SBF2: variants seen among roughly 807,000 people sequenced by gnomAD.
SBF2 encodes myotubularin-related protein 13.
A neutral mutation model predicts 225.2 loss-of-function variants in SBF2; 112 were observed. The ratio of observed to expected loss-of-function variants is 0.50; its 90% CI spans 0.43 to 0.58. SBF2 has a LOEUF of 0.58. SBF2 is among the 20% of genes least tolerant of loss of function. The pLI is 0.00. For synonymous variants in SBF2, 763 were observed against 773.3 expected (o/e 0.99, Z 0.22); for missense variants, 1,996 against 2,206.2 (o/e 0.90, Z 1.91).
At chr11:10,155,667 A>T (rs1199361476) in intron 2 of SBF2, among the ~76,000 whole-genome samples, 11 of 152,152 alleles carry the variant, frequency 7.2e-5, no homozygotes, top group Admixed American at 7.2e-4. Flanking sequence ...ATTTCTGACA[A>T]TTTTCAACTC....
At chr11:10,138,418 G>GT (rs1415916408) in intron 2 of SBF2, among the ~76,000 whole-genome samples, 1 of 151,956 alleles carries the variant, frequency 6.6e-6, no homozygotes, top group Non-Finnish European at 1.5e-5. Context: ...AGAGCCAACT[G>GT]TGTGTTTCAT....
At position 10,262,231 on chromosome 11, in the gene SBF2, G is replaced by C. The variant is rs540265900; in HGVS notation, c.55+31784C>G. ...AAAGATAGATTAGTGGATGATATAGGAATCAACAGATGGAGTAATATATGA... is the reference window on the plus strand; with the variant it reads ...AAAGATAGATTAGTGGATGATATAGCAATCAACAGATGGAGTAATATATGA... On this transcript the variant is annotated intron_variant, in intron 1 of 39. Coordinates refer to ENST00000256190, the MANE Select transcript of SBF2 (RefSeq NM_030962.4). 1.4e-4 allele frequency among the ~76,000 whole-genome samples: 21 copies of C among 152,240 alleles called. No homozygotes were observed. The South Asian group carries it at 1.7e-3, about 12-fold the overall frequency.
At chr11:10,160,530 C>T (rs1360172303) in intron 2 of SBF2, among the ~76,000 whole-genome samples, 1 of 152,158 alleles carries the variant, frequency 6.6e-6, no homozygotes, top group Non-Finnish European at 1.5e-5. Flanking sequence ...TACGGCAGTA[C>T]ATACACCACA....
In SBF2 at chr11:10,029,869, G is replaced by C. The variant is rs200954150; in HGVS notation, c.409C>G (p.Leu137Val). The change falls in exon 5 of 40, where the codon CTG (leucine) becomes GTG (valine). Residue 137 changes from leucine (L) to valine (V), a missense_variant. Physicochemically the swap from Leu to Val is conservative, Grantham distance 32. Coordinates refer to ENST00000256190, the MANE Select transcript of SBF2 (RefSeq NM_030962.4). Reference protein sequence around the residue: ...LYYPEIFRACLGLIYTVYVDS... With the variant: ...LYYPEIFRACVGLIYTVYVDS... ...ACATACACGGTATAGATCAAACCCAGGCAAGCCTGCAAAAAGATAAATACA... is the reference window on the plus strand; with the variant it reads ...ACATACACGGTATAGATCAAACCCACGCAAGCCTGCAAAAAGATAAATACA... 3 of 1,607,148 alleles carry C rather than the reference G, an allele frequency of 1.9e-6. No homozygotes were observed. Among genetic ancestry groups the C allele is most frequent in the Non-Finnish European group, 2.6e-6 (3 of 1,173,834 alleles).
At chr11:9,832,535 TATC>T in intron 26 of SBF2, 115 bp from the exon 27 acceptor site, 1 of 725,202 alleles carries the variant, frequency 1.4e-6, no homozygotes, top group Non-Finnish European at 2.5e-6. Context: ...TGAATACTAA[TATC>T]ATAGTAATTT....
At chr11:10,178,179 T>C (rs1956556103) in intron 2 of SBF2, among the ~76,000 whole-genome samples, 3 of 147,254 alleles carry the variant, frequency 2.0e-5, no homozygotes, top group African/African-American at 7.5e-5. Context: ...TTACACCTTA[T>C]ACAAAAATCA....
chr11:10,216,102 C>G (rs1030559397), intron 1 of SBF2, among the ~76,000 whole-genome samples: 1 of 152,162 alleles, frequency 6.6e-6, no homozygotes, highest in African/African-American at 2.4e-5. Context: ...CCTTGTTCCC[C>G]TAGGCTAAGA....
chr11:10,000,979 G>C lies in SBF2; in HGVS notation c.796C>G (p.Leu266Val), dbSNP rs1565116051. 2 of 1,605,944 alleles carry C rather than the reference G, an allele frequency of 1.2e-6. No homozygotes were observed. Among genetic ancestry groups the C allele is most frequent in the Non-Finnish European group, 1.7e-6 (2 of 1,172,744 alleles). ...ATAATGAAAGGCGTTGGGGAACTTA[G>C]AACTTCCAGTAGCTGAGCCGGGAGA... ...PILPAQLLEV[L>V]SSPTPFIIGV... The change falls in exon 8 of 40, where the codon CTA becomes GTA. Residue 266 changes from leucine to valine, a missense_variant. Physicochemically the swap from Leu to Val is conservative, Grantham distance 32. Coordinates refer to ENST00000256190, the MANE Select transcript of SBF2 (RefSeq NM_030962.4).
At chr11:10,033,663 AACAC>A (rs66939707) in intron 3 of SBF2, among the ~76,000 whole-genome samples, 135 of 149,282 alleles carry the variant, frequency 9.0e-4, no homozygotes, top group Middle Eastern at 3.5e-3. Flanking sequence ...GCTGTGATTA[AACAC>A]ACACACACAC....
At chr11:10,252,076 C>G (rs1040958051) in intron 1 of SBF2, among the ~76,000 whole-genome samples, 2 of 152,236 alleles carry the variant, frequency 1.3e-5, no homozygotes, top group African/African-American at 4.8e-5. Context: ...CACCTAGATC[C>G]TAGAACAGAC....
chr11:10,088,863 G>A lies in SBF2; in HGVS notation c.142-45882C>T, dbSNP rs151031326. Among the ~76,000 whole-genome samples, 37 of 152,224 alleles carry A rather than the reference G, an allele frequency of 2.4e-4. No homozygotes were observed. The East Asian group carries it at 6.5e-3, about 27-fold the overall frequency. ...GAGAAACACCAAAAAGTAAACTTCC[G>A]CAGGGCAAGGATTTTATCTTTCTCA... On this transcript the variant is annotated intron_variant, in intron 2 of 39. Coordinates refer to ENST00000256190, the MANE Select transcript of SBF2 (RefSeq NM_030962.4).
intron 16 of SBF2, among the ~76,000 whole-genome samples, chr11:9,932,047 T>G (rs1043548112): frequency 1.1e-4 from 17 of 152,112 alleles, no homozygotes; most frequent in Non-Finnish European, 2.1e-4. Context: ...GAAGATCACA[T>G]TAATGAAATA....
At chr11:9,795,985 T>C in intron 32 of SBF2, 28 bp from the exon 33 acceptor site, 1 of 1,608,898 alleles carries the variant, frequency 6.2e-7, no homozygotes, top group Non-Finnish European at 8.5e-7. Context: ...AAGAAAAGAG[T>C]AAGAATCAAA....
chr11:9,969,915 C>A (rs1370079485), intron 13 of SBF2, among the ~76,000 whole-genome samples: 1 of 152,180 alleles, frequency 6.6e-6, no homozygotes, highest in Admixed American at 6.5e-5. Context: ...GAGGGGGACA[C>A]AATGCTGAAC....
chr11:10,232,246 T>C (rs1958886758), intron 1 of SBF2, among the ~76,000 whole-genome samples: 1 of 152,226 alleles, frequency 6.6e-6, no homozygotes, highest in African/African-American at 2.4e-5. Flanking sequence ...CCCGACCCCT[T>C]GTACTTCCCA....
At chr11:10,294,557 T>C (rs928302107), upstream of SBF2, among the ~76,000 whole-genome samples, 4 of 152,254 alleles carry the variant, frequency 2.6e-5, no homozygotes, top group African/African-American at 9.6e-5. Context: ...CTGCTTCCTC[T>C]GCTCCCCACC....
At chr11:9,873,153 C>A (rs1202003390) in intron 17 of SBF2, among the ~76,000 whole-genome samples, 1 of 139,982 alleles carries the variant, frequency 7.1e-6, no homozygotes, top group Non-Finnish European at 1.5e-5. Flanking sequence ...TTGCAGTGAG[C>A]CAAGACCGCA....
chr11:9,938,537 G>C (rs1185166523), intron 16 of SBF2, among the ~76,000 whole-genome samples: 1 of 151,074 alleles, frequency 6.6e-6, no homozygotes, highest in East Asian at 1.9e-4. Flanking sequence ...AATAAATATG[G>C]TATTCGTTTA....
At position 9,789,259 on chromosome 11, in the gene SBF2, A is replaced by C. The variant is rs1384571991; in HGVS notation, c.4782T>G (p.Tyr1594Ter). 6.2e-7 allele frequency: 1 copy of C among 1,614,184 alleles called. No homozygotes were observed. The change falls in exon 35 of 40, where the codon TAT (tyrosine) becomes TAG (stop). Residue 1594 changes from tyrosine to a stop codon, truncating the protein, a stop_gained. Transcript: ENST00000256190. LOFTEE classifies it high-confidence loss of function. ...IEETLSTGPSYDWMMLTPKHF... is the reference protein window; with the variant it reads ...IEETLSTGPS Reference sequence around the variant, plus strand: ...GCTTGGGGGTTAGCATCATCCAGTCATAGGAAGGGCCTGTGGACAGGGTCT... The same window carrying C: ...GCTTGGGGGTTAGCATCATCCAGTCCTAGGAAGGGCCTGTGGACAGGGTCT...
Sources: allele counts gnomAD v4.1 joint callset (sites outside exome capture counted in the v4.1 genomes callset), GRCh38; gene constraint gnomAD v4.1.1; transcripts MANE v1.5; gene names NCBI Gene and HGNC (gene_info 2026-07-23, HGNC 2026-07-21).